The following PDE4D variants were observed in gnomAD, a reference collection of about 807,000 sequenced individuals.
The protein encoded by PDE4D is phosphodiesterase 4D.
A neutral mutation model predicts 87.4 loss-of-function variants in PDE4D; 24 were observed. The ratio of observed to expected loss-of-function variants is 0.27; its 90% CI spans 0.20 to 0.39. The LOEUF (loss-of-function observed/expected upper bound fraction) is 0.39. PDE4D is among the 10% of genes least tolerant of loss of function. The pLI, the probability that PDE4D is intolerant of heterozygous loss-of-function variation, is 1.00. For missense variants in PDE4D, 714 were observed against 1,041.0 expected (o/e 0.69, Z 4.32); for synonymous variants, 384 against 383.2 (o/e 1.00, Z -0.02).
chr5:59,324,124 T>C (rs1444458332), intron 1 of PDE4D, among the ~76,000 whole-genome samples: 1 of 152,162 alleles, frequency 6.6e-6, no homozygotes, highest in East Asian at 1.9e-4. Flanking sequence ...CAGATAACAT[T>C]TTCATTAAAA....
At chr5:59,059,329 T>C (rs904829156) in intron 5 of PDE4D, among the ~76,000 whole-genome samples, 3 of 152,168 alleles carry the variant, frequency 2.0e-5, no homozygotes, top group African/African-American at 7.2e-5. Context: ...CCAGATGCAG[T>C]TGAGTTAAAA....
chr5:60,308,003 T>C (rs1209680560), intron 1 of PDE4D, among the ~76,000 whole-genome samples: 1 of 152,150 alleles, frequency 6.6e-6, no homozygotes, highest in Non-Finnish European at 1.5e-5. Flanking sequence ...ATAGCACCAT[T>C]GCTCTCCAGC....
At chr5:59,536,243 C>T (rs1815204771) in intron 1 of PDE4D, among the ~76,000 whole-genome samples, 1 of 151,970 alleles carries the variant, frequency 6.6e-6, no homozygotes, top group South Asian at 2.1e-4. Flanking sequence ...TGGTGGCTCA[C>T]GCCTGTAATC....
chr5:59,190,075 G>A (rs1743973566), intron 3 of PDE4D, among the ~76,000 whole-genome samples: 2 of 152,094 alleles, frequency 1.3e-5, no homozygotes, highest in Admixed American at 6.6e-5. Context: ...CTCTTTTCAC[G>A]TCAAAGGAAA....
chr5:59,511,655 ATAAG>A (rs1179979516), intron 1 of PDE4D, among the ~76,000 whole-genome samples: 3 of 152,058 alleles, frequency 2.0e-5, no homozygotes, highest in Non-Finnish European at 2.9e-5. Flanking sequence ...AATGAGCTAT[ATAAG>A]TAGAGTAGCT....
In PDE4D at chr5:59,235,175, C is replaced by T. The variant is rs767474849; in HGVS notation, c.456-19207G>A. The stretch of plus-strand genomic sequence containing the variant: ...ACTAATCCCACGAAAGTATGTGGCC[C>T]TTCAGACCACATGAAAAAAATCTCT... On this transcript the variant is annotated intron_variant, in intron 1 of 14. Coordinates refer to ENST00000340635, the MANE Select transcript of PDE4D (RefSeq NM_001104631.2). Among the ~76,000 whole-genome samples the T allele has an allele frequency of 4.5e-4, 68 of 152,122 alleles. 2 individuals carry two copies. The highest frequency in any genetic ancestry group is 3.5e-4 in the Non-Finnish European group (24 of 68,016).
chr5:60,422,815 A>C (rs1743253076), intron 1 of PDE4D, among the ~76,000 whole-genome samples: 1 of 152,236 alleles, frequency 6.6e-6, no homozygotes, highest in Non-Finnish European at 1.5e-5. Flanking sequence ...ACATGCAGAG[A>C]AACATATAGG....
At chr5:59,427,292 T>TATAC (rs1554169893) in intron 1 of PDE4D, among the ~76,000 whole-genome samples, 1 of 132,258 alleles carries the variant, frequency 7.6e-6, no homozygotes, top group Non-Finnish European at 1.6e-5. Context: ...AGTGATTTTA[T>TATAC]ACACACACAC....
intron 1 of PDE4D, among the ~76,000 whole-genome samples, chr5:59,791,573 CATT>C (rs1765795269): frequency 6.6e-6 from 1 of 152,228 alleles, no homozygotes; most frequent in Non-Finnish European, 1.5e-5. Context: ...AGTTATTTGA[CATT>C]ATTAACATGG....
chr5:59,524,909 G>T (rs997665057), intron 1 of PDE4D, among the ~76,000 whole-genome samples: 9 of 152,236 alleles, frequency 5.9e-5, no homozygotes, highest in Non-Finnish European at 1.5e-5. Flanking sequence ...AAGAACTGAG[G>T]TTTGGGAACC....
At chr5:60,503,771 C>A (rs1750203842) in intron 1 of PDE4D, among the ~76,000 whole-genome samples, 2 of 152,074 alleles carry the variant, frequency 1.3e-5, no homozygotes, top group African/African-American at 4.8e-5. Context: ...AGTTGAAGAT[C>A]ATTCTGTTAA....
At chr5:60,165,226 T>C (rs1197075487) in intron 2 of PDE4D, among the ~76,000 whole-genome samples, 1 of 152,190 alleles carries the variant, frequency 6.6e-6, no homozygotes, top group East Asian at 1.9e-4. Flanking sequence ...TTCCATATCT[T>C]GGCTATCATA....
intron 1 of PDE4D, among the ~76,000 whole-genome samples, chr5:59,617,609 A>G (rs797013141): frequency 1.3e-5 from 2 of 152,298 alleles, no homozygotes; most frequent in African/African-American, 4.8e-5. Flanking sequence ...GAAGAGACAA[A>G]CACGTACACA....
At chr5:59,730,529 G>A (rs1301751460) in intron 1 of PDE4D, among the ~76,000 whole-genome samples, 1 of 152,148 alleles carries the variant, frequency 6.6e-6, no homozygotes, top group African/African-American at 2.4e-5. Context: ...ATTTAAACTA[G>A]CTCTGACAAT....
intron 2 of PDE4D, among the ~76,000 whole-genome samples, chr5:60,138,508 CT>C (rs897238953): frequency 2.0e-5 from 3 of 151,750 alleles, no homozygotes; most frequent in African/African-American, 2.4e-5. Flanking sequence ...TTATTTTTCC[CT>C]TTTTTTTGAA....
At chr5:59,284,169 T>A (rs1561879679) in intron 1 of PDE4D, among the ~76,000 whole-genome samples, 1 of 152,168 alleles carries the variant, frequency 6.6e-6, no homozygotes, top group Non-Finnish European at 1.5e-5. Flanking sequence ...CCTCCCATCC[T>A]GCTGCTCTGC....
At chr5:60,100,483 G>A (rs982625578) in intron 2 of PDE4D, among the ~76,000 whole-genome samples, 3 of 152,082 alleles carry the variant, frequency 2.0e-5, no homozygotes, top group Non-Finnish European at 4.4e-5. Flanking sequence ...AAAGCGGGAA[G>A]GAAATAAGTG....
intron 2 of PDE4D, among the ~76,000 whole-genome samples, chr5:59,195,953 T>A (rs1270943298): frequency 6.6e-6 from 1 of 151,992 alleles, no homozygotes; most frequent in Non-Finnish European, 1.5e-5. Context: ...TTGAGGGCTT[T>A]AAAGGGGCAA....
At chr5:60,465,924 G>A (rs567884710) in intron 1 of PDE4D, among the ~76,000 whole-genome samples, 6 of 150,158 alleles carry the variant, frequency 4.0e-5, no homozygotes, top group Admixed American at 6.6e-5. Flanking sequence ...CAACTGCACC[G>A]AACAATGAAG....
Sources: allele counts gnomAD v4.1 joint callset (sites outside exome capture counted in the v4.1 genomes callset), GRCh38; gene constraint gnomAD v4.1.1; transcripts MANE v1.5; gene names NCBI Gene and HGNC (gene_info 2026-07-23, HGNC 2026-07-21).